The following SPOCK3 variants were observed in gnomAD, a reference collection of about 807,000 sequenced individuals.
SPOCK3 encodes the protein testican-3.
SPOCK3 carries 30 observed loss-of-function variants against 56.6 expected under a neutral mutation model. That is an observed-to-expected ratio of 0.53 (90% CI 0.40 to 0.72). The LOEUF (loss-of-function observed/expected upper bound fraction) is 0.72. SPOCK3 is among the 30% of genes least tolerant of loss of function. The pLI, the probability that SPOCK3 is intolerant of heterozygous loss-of-function variation, is 0.00. For missense variants in SPOCK3, 527 were observed against 530.0 expected (o/e 0.99, Z 0.06); for synonymous variants, 196 against 183.3 (o/e 1.07, Z -0.56).
At chr4:167,143,488 C>T (rs1369417684) in intron 2 of SPOCK3, among the ~76,000 whole-genome samples, 1 of 151,812 alleles carries the variant, frequency 6.6e-6, no homozygotes, top group Admixed American at 6.6e-5. Context: ...TTTTTAGTTC[C>T]CTCTCATCCT....
chr4:166,767,357 T>A (rs189345499), intron 7 of SPOCK3, among the ~76,000 whole-genome samples: 1 of 152,282 alleles, frequency 6.6e-6, no homozygotes, highest in Non-Finnish European at 1.5e-5. Flanking sequence ...CACACTGCTT[T>A]AAATGTGTCC....
intron 6 of SPOCK3, among the ~76,000 whole-genome samples, chr4:166,792,587 A>C (rs972357339): frequency 6.6e-6 from 1 of 152,178 alleles, no homozygotes; most frequent in African/African-American, 2.4e-5. Flanking sequence ...TATTTATGTC[A>C]TAAATACTTT....
At chr4:166,791,128 C>A (rs538732501) in intron 7 of SPOCK3, among the ~76,000 whole-genome samples, 1 of 152,240 alleles carries the variant, frequency 6.6e-6, no homozygotes, top group South Asian at 2.1e-4. Flanking sequence ...TTAGTCATTA[C>A]GCATTCAAAG....
chr4:166,779,484 G>T (rs940816934), intron 7 of SPOCK3, among the ~76,000 whole-genome samples: 3 of 151,384 alleles, frequency 2.0e-5, no homozygotes, highest in Non-Finnish European at 4.4e-5. Flanking sequence ...ATGTAAGAAT[G>T]ACAGTAACAA....
chr4:166,956,678 C>A (rs1266055840), intron 4 of SPOCK3, among the ~76,000 whole-genome samples: 2 of 152,052 alleles, frequency 1.3e-5, no homozygotes, highest in Non-Finnish European at 2.9e-5. Context: ...GGGGAGAGTA[C>A]CGTATTACCA....
At chr4:166,844,822 C>A (rs966389613) in intron 6 of SPOCK3, among the ~76,000 whole-genome samples, 3 of 152,168 alleles carry the variant, frequency 2.0e-5, no homozygotes, top group African/African-American at 7.2e-5. Flanking sequence ...CTCTGGAGAA[C>A]CCTGGCTAAT....
At chr4:167,084,240 A>G (rs903880987) in intron 2 of SPOCK3, among the ~76,000 whole-genome samples, 1 of 152,150 alleles carries the variant, frequency 6.6e-6, no homozygotes, top group African/African-American at 2.4e-5. Context: ...ATAGTTGATC[A>G]TTGCCTGAAT....
chr4:167,172,377 C>T (rs1431428333), intron 2 of SPOCK3, among the ~76,000 whole-genome samples: 2 of 152,108 alleles, frequency 1.3e-5, no homozygotes, highest in Non-Finnish European at 2.9e-5. Flanking sequence ...ATTTTTCATA[C>T]CCAACAGAGA....
At chr4:167,186,212 G>A (rs774952603) in intron 2 of SPOCK3, among the ~76,000 whole-genome samples, 1 of 152,028 alleles carries the variant, frequency 6.6e-6, no homozygotes, top group Non-Finnish European at 1.5e-5. Flanking sequence ...AGAAACCTAA[G>A]TGCAAAATTA....
At chr4:167,100,405 GTCTCTCTC>G (rs374831916) in intron 2 of SPOCK3, among the ~76,000 whole-genome samples, 1 of 148,422 alleles carries the variant, frequency 6.7e-6, no homozygotes, top group African/African-American at 2.5e-5. Context: ...GTCTGTCTCT[GTCTCTCTC>G]TCTCTCTCTT....
intron 2 of SPOCK3, among the ~76,000 whole-genome samples, chr4:167,204,493 A>T (rs1733835715): frequency 6.6e-6 from 1 of 152,072 alleles, no homozygotes; most frequent in African/African-American, 2.4e-5. Context: ...AGACACTTAT[A>T]AAACCATCAG....
intron 2 of SPOCK3, among the ~76,000 whole-genome samples, chr4:167,232,234 T>G (rs1422570303): frequency 6.6e-6 from 1 of 152,044 alleles, no homozygotes; most frequent in East Asian, 1.9e-4. Flanking sequence ...GAATACTAAG[T>G]TATTCAAAAT....
At chr4:167,022,261 A>G (rs1233704569) in intron 3 of SPOCK3, among the ~76,000 whole-genome samples, 2 of 151,934 alleles carry the variant, frequency 1.3e-5, no homozygotes, top group East Asian at 3.9e-4. Flanking sequence ...TATAATATAA[A>G]TCTCTAGGAT....
At chr4:167,175,059 G>C (rs1730862638) in intron 2 of SPOCK3, among the ~76,000 whole-genome samples, 1 of 152,116 alleles carries the variant, frequency 6.6e-6, no homozygotes, top group Non-Finnish European at 1.5e-5. Context: ...ACTACCTGCA[G>C]AATTATCGGG....
chr4:166,836,612 A>G (rs1210453667), intron 6 of SPOCK3, among the ~76,000 whole-genome samples: 1 of 152,170 alleles, frequency 6.6e-6, no homozygotes, highest in Non-Finnish European at 1.5e-5. Context: ...CTAGGTGGTA[A>G]AAATGGCCCC....
In SPOCK3 at chr4:167,111,738, A is replaced by G. The variant is rs189265296; in HGVS notation, c.190-49201T>C. Among the ~76,000 whole-genome samples the G allele has an allele frequency of 3.3e-5, 5 of 151,824 alleles. No individual in the cohort carries two copies. In the East Asian group the frequency reaches 9.7e-4, roughly 30 times the overall value. ...TTCATAACAATAGACTATAAAAGAT[A>G]GTGCCACTAGCTTAAAAGTAGCACT... On this transcript the variant is annotated intron_variant, in intron 2 of 10. Transcript: ENST00000357545.
At chr4:166,820,892 G>C (rs1579321144) in intron 6 of SPOCK3, among the ~76,000 whole-genome samples, 1 of 152,100 alleles carries the variant, frequency 6.6e-6, no homozygotes, top group East Asian at 1.9e-4. Context: ...CCTTTGGTTA[G>C]ATGATGACGT....
intron 2 of SPOCK3, among the ~76,000 whole-genome samples, chr4:167,198,400 A>G (rs1483530421): frequency 6.6e-6 from 1 of 152,020 alleles, no homozygotes; most frequent in African/African-American, 2.4e-5. Context: ...AAAATAGTGA[A>G]CTCCCACCTT....
chr4:166,842,644 T>C (rs1433424196), intron 6 of SPOCK3, among the ~76,000 whole-genome samples: 2 of 151,638 alleles, frequency 1.3e-5, no homozygotes, highest in Non-Finnish European at 2.9e-5. Context: ...AGTAGCTAGT[T>C]ACAGAGTGCT....
Sources: gnomAD v4.1 joint callset for allele counts (sites outside exome capture counted in the v4.1 genomes callset) on GRCh38, gnomAD v4.1.1 for gene constraint, MANE v1.5 for transcripts, NCBI Gene and HGNC (gene_info 2026-07-23, HGNC 2026-07-21) for gene names.